Variants in RAB40C observed in about 807,000 individuals in gnomAD.
The protein encoded by RAB40C is RAB40C, member RAS oncogene family.
RAB40C carries 8 observed loss-of-function variants against 28.1 expected under a neutral mutation model. The ratio of observed to expected loss-of-function variants is 0.28; its 90% confidence interval spans 0.17 to 0.51. The LOEUF (loss-of-function observed/expected upper bound fraction) is 0.51. RAB40C is among the 20% of genes least tolerant of loss of function. The pLI is 0.97. For missense variants in RAB40C, 288 were observed against 405.9 expected (o/e 0.71, Z 2.50); for synonymous variants, 201 against 171.7 (o/e 1.17, Z -1.34).
intron 3 of RAB40C, chr16:625,190 C>G (rs931066907): frequency 1.4e-6 from 2 of 1,408,202 alleles, no homozygotes; most frequent in Admixed American, 4.3e-5. Context: ...GGAGGGGAAG[C>G]GGCATTTCTG....
intron 1 of RAB40C, among the ~76,000 whole-genome samples, chr16:605,292 C>T (rs72767874): frequency 1.1e-3 from 165 of 152,312 alleles, no homozygotes; most frequent in Non-Finnish European, 1.8e-3. Flanking sequence ...CATGAGAGTT[C>T]CAGGTGCTCC....
chr16:591,556 A>G (rs1053092700), intron 1 of RAB40C, among the ~76,000 whole-genome samples: 2 of 151,536 alleles, frequency 1.3e-5, no homozygotes, highest in South Asian at 2.1e-4. Flanking sequence ...GTAATGAGTT[A>G]CTGAACATTT....
At chr16:623,958 G>T (rs769744366) in intron 3 of RAB40C, 16 of 985,222 alleles carry the variant, frequency 1.6e-5, no homozygotes, top group Non-Finnish European at 1.8e-5. Context: ...AATGCCATCC[G>T]CAGTGCTGGG....
chr16:604,132 C>T (rs759542499), intron 1 of RAB40C, among the ~76,000 whole-genome samples: 2 of 151,266 alleles, frequency 1.3e-5, no homozygotes, highest in Non-Finnish European at 2.9e-5. Flanking sequence ...CAGCTCACTG[C>T]AGCCTCTACC....
At chr16:627,274 C>G in intron 5 of RAB40C, 68 bp from the exon 6 acceptor site, 3 of 1,490,462 alleles carry the variant, frequency 2.0e-6, no homozygotes, top group South Asian at 2.5e-5. Flanking sequence ...TCTTGGGCAC[C>G]TCAGGTCTCC....
rs11861429 is a variant in RAB40C, at chr16:621,502, C to T, written c.264+3242C>T. 5.6e-3 allele frequency among the ~76,000 whole-genome samples: 859 copies of T among 152,398 alleles called. 14 individuals carry two copies. The highest frequency in any genetic ancestry group is 0.02 in the African/African-American group (823 of 41,596). ...GCCACCGGCCACTCCCCGCTGCCGT[C>T]ACCTGTCACACAGCAGCAGTCCCGC... On this transcript the variant is annotated intron_variant, in intron 3 of 5. Transcript: ENST00000248139.
At chr16:625,109 C>A (rs1298714205) in intron 3 of RAB40C, 1 of 1,321,676 alleles carries the variant, frequency 7.6e-7, no homozygotes, top group Admixed American at 2.3e-5. Flanking sequence ...CACAGCTGCA[C>A]GTCCCCCGGC....
chr16:624,520 T>C (rs542725304), intron 3 of RAB40C: 1 of 985,440 alleles, frequency 1.0e-6, no homozygotes, highest in African/African-American at 1.7e-5. Flanking sequence ...GACCTGGGGC[T>C]ACACTTCAGT....
At position 617,003 on chromosome 16, in the gene RAB40C, C is replaced by T. The variant is rs960393627; in HGVS notation, c.143-205C>T. Reference sequence around the variant, plus strand: ...CTGCCCTGCCCTGCCCCGCCCTGCCCGTGGCCCGTGTGCAGAAGTGGGCAG... The same window carrying T: ...CTGCCCTGCCCTGCCCCGCCCTGCCTGTGGCCCGTGTGCAGAAGTGGGCAG... On this transcript the variant is annotated intron_variant, in intron 1 of 5. Coordinates refer to ENST00000248139, the MANE Select transcript of RAB40C (RefSeq NM_021168.5). 10 of 594,318 alleles carry T rather than the reference C, an allele frequency of 1.7e-5. No homozygotes were observed. The Admixed American group carries it at 2.0e-4, about 12-fold the overall frequency. 36.8% of individuals were successfully genotyped at this position (594,318 alleles called of 1,614,324 possible). A position where few individuals can be genotyped will look rare whatever the true frequency, so the allele number is the denominator to read the frequency against.
rs371287321 is a variant in RAB40C at position 590,445 on chromosome 16, C to T, written c.142+12C>T. On this transcript the variant is annotated intron_variant, in intron 1 of 5. Coordinates refer to ENST00000248139, the MANE Select transcript of RAB40C (RefSeq NM_021168.5). Reference sequence around the variant, plus strand: ...CGCCTACAGTAACGGTAAGGCCCGGCCCGCGGCGCGCGCTGCTACGCGGGG... The same window carrying T: ...CGCCTACAGTAACGGTAAGGCCCGGTCCGCGGCGCGCGCTGCTACGCGGGG... The T allele has an allele frequency of 5.1e-5, 80 of 1,567,860 alleles. No homozygotes were observed. The highest frequency in any genetic ancestry group is 2.3e-4 in the African/African-American group (16 of 70,878).
intron 3 of RAB40C, among the ~76,000 whole-genome samples, chr16:621,207 C>G (rs768332834): frequency 6.6e-6 from 1 of 152,236 alleles, no homozygotes; most frequent in Non-Finnish European, 1.5e-5. Context: ...GGGCCTCTGA[C>G]CGCCGTGACT....
chr16:624,703 A>G (rs1345610088), intron 3 of RAB40C: 1 of 985,316 alleles, frequency 1.0e-6, no homozygotes, highest in Non-Finnish European at 1.2e-6. Flanking sequence ...ATCTGGTTGC[A>G]GAATTGTAGG....
intron 1 of RAB40C, among the ~76,000 whole-genome samples, chr16:597,278 C>G (rs936689883): frequency 2.6e-4 from 40 of 151,906 alleles, no homozygotes; most frequent in African/African-American, 9.2e-4. Context: ...AAGAGTTGGT[C>G]CCATATTCCC....
At chr16:594,818 C>CTTTTTT (rs1006905623) in intron 1 of RAB40C, among the ~76,000 whole-genome samples, 1 of 130,326 alleles carries the variant, frequency 7.7e-6, no homozygotes, top group Non-Finnish European at 1.7e-5. Flanking sequence ...GCTCGTCTTC[C>CTTTTTT]TTTTTTTTTT....
At chr16:601,531 T>C (rs577015325) in intron 1 of RAB40C, among the ~76,000 whole-genome samples, 27 of 152,140 alleles carry the variant, frequency 1.8e-4, no homozygotes, top group African/African-American at 6.5e-4. Flanking sequence ...AGCAGAGCAA[T>C]GTGATCGTTG....
intron 3 of RAB40C, among the ~76,000 whole-genome samples, chr16:620,300 G>A (rs981032073): frequency 6.6e-6 from 1 of 151,960 alleles, no homozygotes; most frequent in Non-Finnish European, 1.5e-5. Flanking sequence ...GGCTGAGGCA[G>A]GAGAATCGCT....
intron 3 of RAB40C, among the ~76,000 whole-genome samples, chr16:619,642 T>G (rs1257670965): frequency 6.6e-6 from 1 of 152,126 alleles, no homozygotes. Context: ...CCGGGGCCAG[T>G]TCGTGAGCCT....
chr16:617,988 C>T (rs1005839742), intron 2 of RAB40C, among the ~76,000 whole-genome samples: 7 of 152,240 alleles, frequency 4.6e-5, no homozygotes, highest in Admixed American at 2.6e-4. Context: ...CCCAGGTGGG[C>T]GGGGGCCCCT....
At chr16:606,706 T>G (rs1217685084) in intron 1 of RAB40C, among the ~76,000 whole-genome samples, 3 of 152,238 alleles carry the variant, frequency 2.0e-5, no homozygotes, top group Non-Finnish European at 4.4e-5. Context: ...CCAGGCCGCC[T>G]GCGTTGTTCA....
Sources: gnomAD v4.1 joint callset for allele counts (sites outside exome capture counted in the v4.1 genomes callset) on GRCh38, gnomAD v4.1.1 for gene constraint, MANE v1.5 for transcripts, NCBI Gene and HGNC (gene_info 2026-07-23, HGNC 2026-07-21) for gene names.